The following SLIT3 variants were observed in gnomAD, a reference collection of about 807,000 sequenced individuals.
SLIT3 encodes the protein slit guidance ligand 3.
A neutral mutation model predicts 184.0 loss-of-function variants in SLIT3; 68 were observed. The ratio of observed to expected loss-of-function variants is 0.37; its 90% CI spans 0.30 to 0.45. The LOEUF (loss-of-function observed/expected upper bound fraction) is 0.45, where lower values mean the gene tolerates loss of function less well. Among genes scored for constraint, SLIT3 ranks in the 20% least tolerant of loss-of-function variants. The pLI, the probability that SLIT3 is intolerant of heterozygous loss-of-function variation, is 1.00. For synonymous variants in SLIT3, 831 were observed against 828.6 expected, an observed-to-expected ratio of 1.00 and a Z score of -0.05; for missense variants, 1,707 against 2,026.0, an observed-to-expected ratio of 0.84 and a Z score of 3.02.
intron 4 of SLIT3, among the ~76,000 whole-genome samples, chr5:168,917,744 G>A (rs1050655516): frequency 1.3e-5 from 2 of 152,168 alleles, no homozygotes; most frequent in Admixed American, 6.5e-5. Flanking sequence ...GTTTTGGCAC[G>A]TTAAAATCTA....
chr5:169,264,911 A>C (rs1766338907), intron 1 of SLIT3, among the ~76,000 whole-genome samples: 1 of 152,198 alleles, frequency 6.6e-6, no homozygotes, highest in African/African-American at 2.4e-5. Flanking sequence ...CTCTGGGCTA[A>C]ATTTTTGGCT....
At position 168,781,480 on chromosome 5, in the gene SLIT3, C is replaced by T. The variant is rs563053246; in HGVS notation, c.1151+4427G>A. On this transcript the variant is annotated intron_variant, in intron 12 of 35. Transcript: ENST00000519560. ...CCAGGTACACAAGAGAGGGAAGAAC[C>T]CTTCCCTCAAGAACGCATCGCCAAG... Among the ~76,000 whole-genome samples the T allele has an allele frequency of 3.3e-5, 5 of 152,228 alleles. No individual in the cohort carries two copies. The East Asian group carries it at 9.7e-4, about 29-fold the overall frequency.
At chr5:169,027,427 T>C (rs1320023085) in intron 4 of SLIT3, among the ~76,000 whole-genome samples, 2 of 152,222 alleles carry the variant, frequency 1.3e-5, no homozygotes, top group Non-Finnish European at 2.9e-5. Context: ...GGCACTCATT[T>C]TCCCAGGAAC....
intron 12 of SLIT3, among the ~76,000 whole-genome samples, chr5:168,777,225 A>G (rs1755792623): frequency 6.6e-6 from 1 of 152,028 alleles, no homozygotes; most frequent in Non-Finnish European, 1.5e-5. Context: ...CCCTTTAGAT[A>G]GGACATATGC....
intron 4 of SLIT3, among the ~76,000 whole-genome samples, chr5:169,177,651 C>A (rs1299031482): frequency 1.1e-4 from 17 of 152,116 alleles, no homozygotes; most frequent in Non-Finnish European, 2.4e-4. Flanking sequence ...ACAAAGGCTC[C>A]TTATAAAGGA....
intron 6 of SLIT3, among the ~76,000 whole-genome samples, chr5:168,831,876 G>A (rs889567367): frequency 3.9e-5 from 6 of 152,000 alleles, no homozygotes; most frequent in African/African-American, 9.7e-5. Flanking sequence ...CCATCCACTC[G>A]GCAGAGCCTC....
chr5:169,255,626 G>C (rs922242591), intron 1 of SLIT3, among the ~76,000 whole-genome samples: 1 of 152,224 alleles, frequency 6.6e-6, no homozygotes, highest in African/African-American at 2.4e-5. Context: ...GCTCAAGCCT[G>C]TAATCCCAGC....
intron 5 of SLIT3, among the ~76,000 whole-genome samples, chr5:168,854,233 ATTG>A (rs899651275): frequency 5.3e-5 from 8 of 151,972 alleles, no homozygotes; most frequent in Non-Finnish European, 1.2e-4. Context: ...AACTCAAGTT[ATTG>A]TAGCCTGGGA....
chr5:169,196,655 G>A (rs1165439601), intron 3 of SLIT3, among the ~76,000 whole-genome samples: 1 of 152,152 alleles, frequency 6.6e-6, no homozygotes, highest in Non-Finnish European at 1.5e-5. Context: ...GTCAGGAAGT[G>A]GTAGTGGCAG....
At chr5:169,095,228 CG>C (rs1199156535) in intron 4 of SLIT3, among the ~76,000 whole-genome samples, 2 of 152,148 alleles carry the variant, frequency 1.3e-5, no homozygotes, top group African/African-American at 4.8e-5. Flanking sequence ...CTGATCATCC[CG>C]GGAAGCACAT....
At chr5:169,236,485 T>C (rs923640900) in intron 3 of SLIT3, among the ~76,000 whole-genome samples, 1 of 151,984 alleles carries the variant, frequency 6.6e-6, no homozygotes, top group Non-Finnish European at 1.5e-5. Flanking sequence ...TTTGTTTTTT[T>C]TTTTTTTGAC....
chr5:168,897,646 G>GCGCGCGCACACACACACACA lies in SLIT3; in HGVS notation c.414-14311_414-14310insTGTGTGTGTGTGTGCGCGCG. Among the ~76,000 whole-genome samples, 11 of 105,444 alleles carry GCGCGCGCACACACACACACA rather than the reference G, an allele frequency of 1.0e-4. 1 individual carries two copies. Among genetic ancestry groups the GCGCGCGCACACACACACACA allele is most frequent in the African/African-American group, 4.2e-4 (10 of 23,818 alleles). The allele number at this position is 105,444 out of a possible 152,430, so 69.2% of individuals were successfully genotyped here. ...AGAAAGAGGATGGAGACAGGTGCAC[G>GCGCGCGCACACACACACACA]TACACACACACACACACACACACAC... On this transcript the variant is annotated intron_variant, in intron 4 of 35. Transcript: ENST00000519560.
chr5:169,175,222 TC>T (rs1316417278), intron 4 of SLIT3, among the ~76,000 whole-genome samples: 1 of 152,190 alleles, frequency 6.6e-6, no homozygotes, highest in African/African-American at 2.4e-5. Context: ...TACACCATTA[TC>T]CTTGACTGTC....
intron 35 of SLIT3, among the ~76,000 whole-genome samples, chr5:168,668,105 G>C (rs946546877): frequency 3.9e-5 from 6 of 152,172 alleles, no homozygotes; most frequent in African/African-American, 1.4e-4. Context: ...TGGTGGCAGG[G>C]AGCAAGACTT....
intron 4 of SLIT3, among the ~76,000 whole-genome samples, chr5:169,070,876 A>G (rs1256499223): frequency 6.6e-6 from 1 of 152,194 alleles, no homozygotes; most frequent in African/African-American, 2.4e-5. Context: ...ATTAACCTTA[A>G]AAAAACATTT....
At chr5:169,130,104 C>T (rs1761244317) in intron 4 of SLIT3, among the ~76,000 whole-genome samples, 1 of 152,146 alleles carries the variant, frequency 6.6e-6, no homozygotes, top group Admixed American at 6.5e-5. Flanking sequence ...ATCTCGGCCT[C>T]CCCAGGTGTT....
intron 4 of SLIT3, among the ~76,000 whole-genome samples, chr5:168,903,438 A>G (rs773168341): frequency 4.3e-4 from 65 of 152,080 alleles, no homozygotes; most frequent in Non-Finnish European, 7.9e-4. Flanking sequence ...CCTGTGTTTC[A>G]TTTGAGGTGA....
chr5:169,213,843 T>C (rs1764349218), intron 3 of SLIT3, among the ~76,000 whole-genome samples: 1 of 152,196 alleles, frequency 6.6e-6, no homozygotes, highest in Non-Finnish European at 1.5e-5. Flanking sequence ...ATCAAAGAAA[T>C]AGCCAGGCTT....
At chr5:169,246,239 G>A (rs1389220977) in intron 2 of SLIT3, among the ~76,000 whole-genome samples, 2 of 152,158 alleles carry the variant, frequency 1.3e-5, no homozygotes, top group Non-Finnish European at 2.9e-5. Context: ...CAGCCCCACA[G>A]TTTGCCATGT....
Sources: gnomAD v4.1 joint callset for allele counts (sites outside exome capture counted in the v4.1 genomes callset) on GRCh38, gnomAD v4.1.1 for gene constraint, MANE v1.5 for transcripts, NCBI Gene and HGNC (gene_info 2026-07-23, HGNC 2026-07-21) for gene names.